Variants in TRAPPC8 observed in about 807,000 individuals in gnomAD.
TRAPPC8 encodes trafficking protein particle complex subunit 8.
A neutral mutation model predicts 174.3 loss-of-function variants in TRAPPC8; 54 were observed. The observed-to-expected ratio is 0.31, with a 90% CI of 0.25 to 0.39. The LOEUF is 0.39. Among genes scored for constraint, TRAPPC8 ranks in the 10% least tolerant of loss-of-function variants. The probability of loss-of-function intolerance (pLI) is 1.00; values close to 1 mark genes in which losing one functional copy is unlikely to be tolerated. For missense variants in TRAPPC8, 1,531 were observed against 1,699.1 expected, an observed-to-expected ratio of 0.90 and a Z score of 1.74; for synonymous variants, 630 against 579.9, an observed-to-expected ratio of 1.09 and a Z score of -1.24.
At chr18:31,866,147 A>G (rs1036222278) in intron 18 of TRAPPC8, among the ~76,000 whole-genome samples, 1 of 152,124 alleles carries the variant, frequency 6.6e-6, no homozygotes, top group Non-Finnish European at 1.5e-5. Flanking sequence ...TTGTTGTAAA[A>G]TAAGACATAT....
intron 19 of TRAPPC8, 50 bp from the exon 20 acceptor site, chr18:31,858,032 C>G (rs767157041): frequency 6.8e-7 from 1 of 1,480,532 alleles, no homozygotes; most frequent in Non-Finnish European, 9.1e-7. Context: ...AAATTTTGAA[C>G]CTCTAATGAA....
At chr18:31,937,550 A>C (rs754967124) in intron 1 of TRAPPC8, 2 of 152,204 alleles carry the variant, frequency 1.3e-5, no homozygotes, top group Non-Finnish European at 2.9e-5. Flanking sequence ...CTTCAGCAGC[A>C]CATATACTAA....
chr18:31,896,306 AAGAG>A (rs1451948613), intron 11 of TRAPPC8: 1 of 152,154 alleles, frequency 6.6e-6, no homozygotes, highest in Non-Finnish European at 1.5e-5. Flanking sequence ...CAACAAAAGA[AAGAG>A]AGAGAAGTAA....
At position 31,843,025 on chromosome 18, in the gene TRAPPC8, T is replaced by A. The variant is rs2033188811; in HGVS notation, c.3838-3568A>T. Among the ~76,000 whole-genome samples the A allele has an allele frequency of 2.0e-5, 3 of 152,118 alleles. No homozygotes were observed. The South Asian group carries it at 6.2e-4, about 32-fold the overall frequency. ...AGAAAAAGATCTAAAGGTGAATATATTTTCAAGGCAAAAAAATTCATGTAC... is the reference window on the plus strand; with the variant it reads ...AGAAAAAGATCTAAAGGTGAATATAATTTCAAGGCAAAAAAATTCATGTAC... On this transcript the variant is annotated intron_variant, in intron 26 of 28. Transcript: ENST00000283351.
chr18:31,888,608 T>C (rs2035824991), intron 12 of TRAPPC8, among the ~76,000 whole-genome samples: 1 of 152,236 alleles, frequency 6.6e-6, no homozygotes, highest in Non-Finnish European at 1.5e-5. Flanking sequence ...AGAGATCATG[T>C]CCTTTGCAGG....
intron 5 of TRAPPC8, among the ~76,000 whole-genome samples, chr18:31,910,614 T>C (rs1158011297): frequency 4.6e-5 from 7 of 152,340 alleles, no homozygotes; most frequent in African/African-American, 9.6e-5. Flanking sequence ...GAGAGAATTT[T>C]TGGGTGATCA....
chr18:31,841,395 G>A (rs1230656204), intron 26 of TRAPPC8, among the ~76,000 whole-genome samples: 1 of 151,922 alleles, frequency 6.6e-6, no homozygotes, highest in African/African-American at 2.4e-5. Context: ...ATAAACCAGA[G>A]TATATGAAAG....
intron 11 of TRAPPC8, among the ~76,000 whole-genome samples, chr18:31,893,840 G>A (rs186776422): frequency 0.029 from 4,405 of 151,402 alleles, 226 homozygotes; most frequent in African/African-American, 0.1. Context: ...ACACACACAC[G>A]AAAAAATAAA....
Position 31,916,435 on chromosome 18 carries a change from C to T in TRAPPC8, c.454G>A (p.Ala152Thr), listed in dbSNP as rs576302049. ...LNHYLACMLV[A>T]SSSEAEPVEQ... ...ACAGGTTCAGCTTCACTAGATGACG[C>T]TACCAACATACCTTGTAAACCATAT... is the stretch of plus-strand genomic sequence containing the variant. The change falls in exon 4 of 29, where the codon GCG (alanine) becomes ACG (threonine). Residue 152 changes from alanine (A) to threonine (T), a missense_variant. Transcript: ENST00000283351. 6.2e-7 allele frequency: 1 copy of T among 1,610,414 alleles called. No individual in the cohort carries two copies. Among genetic ancestry groups the T allele is most frequent in the Non-Finnish European group, 8.5e-7 (1 of 1,178,920 alleles).
chr18:31,880,081 G>GGGA (rs1491132140), intron 12 of TRAPPC8, among the ~76,000 whole-genome samples: 1 of 52,728 alleles, frequency 1.9e-5, no homozygotes, highest in African/African-American at 9.4e-5. Flanking sequence ...TGAAACTATT[G>GGGA]AAAAAAAAAA....
intron 2 of TRAPPC8, among the ~76,000 whole-genome samples, chr18:31,927,148 C>A (rs968946700): frequency 4.6e-5 from 7 of 152,042 alleles, no homozygotes; most frequent in Non-Finnish European, 8.8e-5. Flanking sequence ...TGCTCTGTCA[C>A]CTAGGTTGGA....
chr18:31,857,583 A>T lies in TRAPPC8; in HGVS notation c.3145T>A (p.Phe1049Ile). ...PDEEGVHEINFLFYYESVKKQ... is the reference protein window; with the variant it reads ...PDEEGVHEINILFYYESVKKQ... ...TTGACACTTTCATAGTAAAACAAAA[A>T]GTTAATTTCATGGACACCTTCTTCA... Residue 1049 changes from phenylalanine (F) to isoleucine (I), a missense_variant, in exon 20 of 29, where the codon TTT (phenylalanine) becomes ATT (isoleucine). Transcript: ENST00000283351. 1 of 1,608,550 alleles carries T rather than the reference A, an allele frequency of 6.2e-7. No individual in the cohort carries two copies. The highest frequency in any genetic ancestry group is 1.1e-5 in the South Asian group (1 of 90,478).
chr18:31,892,752 C>T (rs920523910), intron 11 of TRAPPC8, among the ~76,000 whole-genome samples: 1 of 152,042 alleles, frequency 6.6e-6, no homozygotes, highest in Non-Finnish European at 1.5e-5. Flanking sequence ...AAATGACACC[C>T]GGGAGCTCAC....
intron 20 of TRAPPC8, among the ~76,000 whole-genome samples, chr18:31,856,742 C>T (rs531466415): frequency 2.0e-5 from 3 of 151,742 alleles, no homozygotes; most frequent in African/African-American, 7.3e-5. Context: ...TATATACAGC[C>T]GCTCCCTAGA....
In TRAPPC8 at chr18:31,846,827, G is replaced by A. The variant is rs761418276; in HGVS notation, c.3736-10C>T. 2 of 1,603,614 alleles carry A rather than the reference G, an allele frequency of 1.2e-6. No individual in the cohort carries two copies. Among genetic ancestry groups the A allele is most frequent in the East Asian group, 2.2e-5 (1 of 44,786 alleles). On this transcript the variant is annotated splice_polypyrimidine_tract_variant and intron_variant, in intron 25 of 28. Coordinates refer to ENST00000283351, the MANE Select transcript of TRAPPC8 (RefSeq NM_014939.5). Reference sequence around the variant, plus strand: ...CTTCCACAACGTATGCCTAAAAAATGCAAAGTACAAAAACGTTACCGTGCT... The same window carrying A: ...CTTCCACAACGTATGCCTAAAAAATACAAAGTACAAAAACGTTACCGTGCT...
At chr18:31,859,186 GA>G (rs1490030655) in intron 19 of TRAPPC8, among the ~76,000 whole-genome samples, 1 of 152,074 alleles carries the variant, frequency 6.6e-6, no homozygotes, top group African/African-American at 2.4e-5. Context: ...CAATATGAGT[GA>G]AATGTTCTAA....
rs1387694340 is a variant in TRAPPC8 at position 31,874,357 on chromosome 18, C to T, written c.1953+123G>A. On this transcript the variant is annotated intron_variant, in intron 13 of 28. Coordinates refer to ENST00000283351, the MANE Select transcript of TRAPPC8 (RefSeq NM_014939.5). ...AGCCAAAAAGCCTAGCCTGCCACAG[C>T]TTTTTTATGACTGATAACTACATAT... 3.6e-5 allele frequency: 39 copies of T among 1,070,702 alleles called. No homozygotes were observed. In the East Asian group the frequency reaches 8.1e-4, roughly 22 times the overall value. 66.3% of individuals were successfully genotyped at this position (1,070,702 alleles called of 1,614,324 possible).
intron 11 of TRAPPC8, among the ~76,000 whole-genome samples, chr18:31,891,536 C>G (rs1163687110): frequency 1.3e-5 from 2 of 152,148 alleles, no homozygotes; most frequent in Non-Finnish European, 2.9e-5. Context: ...ATCTACAAAA[C>G]CACATACTAC....
intron 24 of TRAPPC8, 57 bp from the exon 25 acceptor site, chr18:31,849,796 T>A: frequency 6.8e-7 from 1 of 1,469,464 alleles, no homozygotes; most frequent in Non-Finnish European, 9.0e-7. Flanking sequence ...TGTCAAAATT[T>A]ATTTTGTATA....
Sources: gnomAD v4.1 joint callset for allele counts (sites outside exome capture counted in the v4.1 genomes callset) on GRCh38, gnomAD v4.1.1 for gene constraint, MANE v1.5 for transcripts, NCBI Gene and HGNC (gene_info 2026-07-23, HGNC 2026-07-21) for gene names.